The following TBPL1 variants were observed in gnomAD, a reference collection of about 807,000 sequenced individuals.
TBPL1 encodes TATA-box binding protein like 1.
In TBPL1, 4 loss-of-function variants were observed where a neutral mutation model predicts 22.1. That is an observed-to-expected ratio of 0.18 (90% CI 0.09 to 0.41). The LOEUF is 0.41. TBPL1 is among the 10% of genes least tolerant of loss of function. The probability of loss-of-function intolerance (pLI) is 1.00; values close to 1 mark genes in which losing one functional copy is unlikely to be tolerated. For synonymous variants in TBPL1, 64 were observed against 71.0 expected (o/e 0.90, Z 0.50); for missense variants, 115 against 222.3 (o/e 0.52, Z 3.07).
At chr6:133,983,167 A>G (rs370533394) in intron 4 of TBPL1, among the ~76,000 whole-genome samples, 1 of 152,106 alleles carries the variant, frequency 6.6e-6, no homozygotes, top group Non-Finnish European at 1.5e-5. Flanking sequence ...TTCACCTCTG[A>G]CGTACACAAA....
chr6:133,982,794 T>A, intron 3 of TBPL1, 23 bp from the exon 4 acceptor site: 1 of 1,606,008 alleles, frequency 6.2e-7, no homozygotes, highest in Non-Finnish European at 8.5e-7. Context: ...ACTGATAATC[T>A]TTTTCTTTCC....
intron 1 of TBPL1, among the ~76,000 whole-genome samples, chr6:133,958,038 T>TA (rs1217688405): frequency 2.6e-5 from 4 of 152,222 alleles, no homozygotes; most frequent in Non-Finnish European, 5.9e-5. Flanking sequence ...GGGAAGTACT[T>TA]TTTTTAAGTT....
Position 133,987,105 on chromosome 6 carries a change from A to G in TBPL1, c.*65A>G. On this transcript the variant is annotated 3_prime_UTR_variant, in exon 7 of 7. Coordinates refer to ENST00000237264, the MANE Select transcript of TBPL1 (RefSeq NM_004865.4). ...TTTAAACCTGCTGCACATTGGACTC[A>G]AAAGGAAAACTGGACCAACAATAAT... The G allele has an allele frequency of 8.7e-7, 1 of 1,147,036 alleles. No homozygotes were observed. Among genetic ancestry groups the G allele is most frequent in the Non-Finnish European group, 1.3e-6 (1 of 796,382 alleles). The allele number at this position is 1,147,036 out of a possible 1,614,324, so 71.1% of individuals were successfully genotyped here. A position where few individuals can be genotyped will look rare whatever the true frequency, so the allele number is the denominator to read the frequency against.
chr6:133,970,342 G>A (rs1460396494), intron 1 of TBPL1, among the ~76,000 whole-genome samples: 1 of 152,050 alleles, frequency 6.6e-6, no homozygotes, highest in African/African-American at 2.4e-5. Flanking sequence ...GATAAATTCT[G>A]GATACTGTAG....
rs1776571871 is a variant in TBPL1, at chr6:133,988,597, A to T, written c.*1557A>T. ...GGCACTGCACTGAACAACACATATT[A>T]TTTTTATCTTTTTTCTTCTCAATGC... On this transcript the variant is annotated 3_prime_UTR_variant, in exon 7 of 7. Transcript: ENST00000237264. The T allele has an allele frequency of 6.6e-6, 1 of 152,120 alleles. No individual in the cohort carries two copies. The allele number at this position is 152,120 out of a possible 1,614,324, so 9.4% of individuals were successfully genotyped here. A position where few individuals can be genotyped will look rare whatever the true frequency, so the allele number is the denominator to read the frequency against.
At chr6:133,955,281 C>T (rs1775907917) in intron 1 of TBPL1, among the ~76,000 whole-genome samples, 1 of 150,014 alleles carries the variant, frequency 6.7e-6, no homozygotes, top group African/African-American at 2.5e-5. Flanking sequence ...GGGTCAAGCC[C>T]TAGCTTCCAC....
chr6:133,985,297 AATATATATATATATAT>A (rs3068194), intron 6 of TBPL1, among the ~76,000 whole-genome samples: 459 of 42,662 alleles, frequency 0.011, 14 homozygotes, highest in African/African-American at 0.014. Context: ...AAAAAAAAAA[AATATATATATATATAT>A]ATATATATAT....
At chr6:133,958,213 G>C (rs1775960053) in intron 1 of TBPL1, among the ~76,000 whole-genome samples, 1 of 152,130 alleles carries the variant, frequency 6.6e-6, no homozygotes, top group African/African-American at 2.4e-5. Flanking sequence ...TTAGCTGTAT[G>C]ATACTTCTGA....
At chr6:133,973,998 C>T (rs1483605745) in intron 1 of TBPL1, among the ~76,000 whole-genome samples, 1 of 115,568 alleles carries the variant, frequency 8.7e-6, no homozygotes, top group Non-Finnish European at 1.9e-5. Flanking sequence ...AGCATCCAGA[C>T]TTTACCAAAA....
chr6:133,982,948 T>A, intron 4 of TBPL1, 68 bp downstream of exon 4: 1 of 1,420,184 alleles, frequency 7.0e-7, no homozygotes, highest in Non-Finnish European at 9.6e-7. Flanking sequence ...TTAAAAATTG[T>A]AATAGACTCA....
rs1776556226 is a variant in TBPL1, at chr6:133,987,650, A to ATG, written c.*611_*612insGT. The stretch of plus-strand genomic sequence containing the variant: ...TGTGTGTGTGTGTGTGTGTGTGTGT[A>ATG]TATATATATATATATATGCACCACA... On this transcript the variant is annotated 3_prime_UTR_variant, in exon 7 of 7. Coordinates refer to ENST00000237264, the MANE Select transcript of TBPL1 (RefSeq NM_004865.4). The ATG allele has an allele frequency of 1.5e-5, 2 of 133,094 alleles. No homozygotes were observed. Among genetic ancestry groups the ATG allele is most frequent in the African/African-American group, 2.8e-5 (1 of 35,124 alleles). The allele number at this position is 133,094 out of a possible 1,614,324, so 8.2% of individuals were successfully genotyped here.
In TBPL1 at chr6:133,988,733, TAA is replaced by T. The variant is rs930604578; in HGVS notation, c.*1701_*1702del. The T allele has an allele frequency of 4.0e-5, 6 of 151,748 alleles. No homozygotes were observed. Among genetic ancestry groups the T allele is most frequent in the African/African-American group, 9.7e-5 (4 of 41,366 alleles). 9.4% of individuals were successfully genotyped at this position (151,748 alleles called of 1,614,324 possible). A position where few individuals can be genotyped will look rare whatever the true frequency, so the allele number is the denominator to read the frequency against. ...TTAGACTTGTATTTTTCCTTTTTTT[TAA>T]AAAAAAAGTGTTTATTTCCTTTATT... On this transcript the variant is annotated 3_prime_UTR_variant, in exon 7 of 7. Transcript: ENST00000237264.
chr6:133,981,069 T>G (rs1029794173), intron 2 of TBPL1, among the ~76,000 whole-genome samples: 1 of 148,818 alleles, frequency 6.7e-6, no homozygotes, highest in Non-Finnish European at 1.5e-5. Flanking sequence ...GCCTCCCAGG[T>G]TCAAGCAATT....
At chr6:133,954,689 TAGG>T (rs1260149349) in intron 1 of TBPL1, among the ~76,000 whole-genome samples, 1 of 152,236 alleles carries the variant, frequency 6.6e-6, no homozygotes, top group Admixed American at 6.5e-5. Context: ...TGATAAATCA[TAGG>T]AGCAATTAGG....
chr6:133,974,137 A>G (rs1354281456), intron 1 of TBPL1, among the ~76,000 whole-genome samples: 1 of 151,990 alleles, frequency 6.6e-6, no homozygotes, highest in Admixed American at 6.6e-5. Context: ...TAGACATATA[A>G]TTTTTTCTAC....
At chr6:133,985,263 G>A (rs1203033622) in intron 6 of TBPL1, among the ~76,000 whole-genome samples, 5 of 102,580 alleles carry the variant, frequency 4.9e-5, no homozygotes, top group Middle Eastern at 6.9e-3. Context: ...TGGCAACAGA[G>A]TGAGACTCTG....
chr6:133,959,000 A>G lies in TBPL1; in HGVS notation c.-45+5575A>G, dbSNP rs183432183. Reference sequence around the variant, plus strand: ...TGTTGCACCAAATAGATAGAGATATATATTTCCTTTAGTTTTAGATACCCT... The same window carrying G: ...TGTTGCACCAAATAGATAGAGATATGTATTTCCTTTAGTTTTAGATACCCT... On this transcript the variant is annotated intron_variant, in intron 1 of 6. Coordinates refer to ENST00000237264, the MANE Select transcript of TBPL1 (RefSeq NM_004865.4). 6.2e-3 allele frequency among the ~76,000 whole-genome samples: 949 copies of G among 152,148 alleles called. 4 individuals carry two copies. The highest frequency in any genetic ancestry group is 0.011 in the Non-Finnish European group (736 of 68,000).
In TBPL1 at chr6:133,968,658, G is replaced by A. The variant is rs1776164790; in HGVS notation, c.-44-11424G>A. On this transcript the variant is annotated intron_variant, in intron 1 of 6. Transcript: ENST00000237264. ...ATTACAATTGATGTCTACTGTCTTAGCATCCAAGTTTTTTGTTTTGTTTTG... is the reference window on the plus strand; with the variant it reads ...ATTACAATTGATGTCTACTGTCTTAACATCCAAGTTTTTTGTTTTGTTTTG... Among the ~76,000 whole-genome samples, 3 of 152,026 alleles carry A rather than the reference G, an allele frequency of 2.0e-5. No homozygotes were observed. In the South Asian group the frequency reaches 6.2e-4, roughly 32 times the overall value.
intron 4 of TBPL1, among the ~76,000 whole-genome samples, chr6:133,983,522 A>G (rs1048498004): frequency 2.6e-5 from 4 of 152,134 alleles, no homozygotes; most frequent in African/African-American, 9.7e-5. Context: ...TCTGAAGTAG[A>G]GGGTGATAGG....
Sources: gnomAD v4.1 joint callset for allele counts (sites outside exome capture counted in the v4.1 genomes callset) on GRCh38, gnomAD v4.1.1 for gene constraint, MANE v1.5 for transcripts, NCBI Gene and HGNC (gene_info 2026-07-23, HGNC 2026-07-21) for gene names.